Variants in SNX25 observed in about 807,000 individuals in gnomAD.
SNX25 encodes the protein sorting nexin 25, also known as sorting nexin-25.
A neutral mutation model predicts 113.7 loss-of-function variants in SNX25; 62 were observed. The ratio of observed to expected loss-of-function variants is 0.55; its 90% CI spans 0.44 to 0.67. The LOEUF (loss-of-function observed/expected upper bound fraction) is 0.67. Ranked by LOEUF, SNX25 falls within the 30% of genes least tolerant of loss-of-function variation. The probability of loss-of-function intolerance (pLI) is 0.00; values close to 1 mark genes in which losing one functional copy is unlikely to be tolerated. For missense variants in SNX25, 1,014 were observed against 1,161.0 expected, an observed-to-expected ratio of 0.87 and a Z score of 1.84; for synonymous variants, 421 against 436.2, an observed-to-expected ratio of 0.97 and a Z score of 0.43.
intron 1 of SNX25, among the ~76,000 whole-genome samples, chr4:185,237,237 T>G (rs1049447293): frequency 4.6e-5 from 7 of 151,894 alleles, no homozygotes; most frequent in Non-Finnish European, 8.8e-5. Context: ...CAATTTTCTG[T>G]TTTTTTTGAT....
Position 185,351,583 on chromosome 4 carries a change from C to T in SNX25, c.2440C>T (p.Pro814Ser), listed in dbSNP as rs1277281704. ...FSLSSFLERLPRDFFSHQEEE... is the reference protein window; with the variant it reads ...FSLSSFLERLSRDFFSHQEEE... ...ATTATCCTCATTTTTGGAAAGACTT[C>T]CTCGCGACTTCTTCTCCCACCAGGA... The change falls in exon 14 of 19, where the codon CCT (proline) becomes TCT (serine). Residue 814 changes from proline to serine, a missense_variant. Physicochemically the swap from Pro to Ser is moderately conservative, Grantham distance 74. Transcript: ENST00000652585. 6.2e-7 allele frequency: 1 copy of T among 1,614,112 alleles called. No homozygotes were observed. The highest frequency in any genetic ancestry group is 1.1e-5 in the South Asian group (1 of 91,078).
At chr4:185,235,232 C>T (rs1168987660) in intron 1 of SNX25, among the ~76,000 whole-genome samples, 1 of 152,234 alleles carries the variant, frequency 6.6e-6, no homozygotes, top group Non-Finnish European at 1.5e-5. Context: ...TAATAAGCTA[C>T]AGAAGCTTCT....
intron 6 of SNX25, among the ~76,000 whole-genome samples, chr4:185,302,079 T>TTG (rs1227611090): frequency 4.7e-5 from 7 of 149,702 alleles, no homozygotes; most frequent in African/African-American, 7.3e-5. Flanking sequence ...TTTGTATATT[T>TTG]TGTGTGTGTG....
intron 2 of SNX25, among the ~76,000 whole-genome samples, chr4:185,248,193 G>A (rs955541589): frequency 2.0e-5 from 3 of 152,210 alleles, no homozygotes; most frequent in Admixed American, 6.5e-5. Context: ...TTAGACCTTT[G>A]GGGACATAAT....
At chr4:185,234,144 C>T (rs1432622914) in intron 1 of SNX25, among the ~76,000 whole-genome samples, 1 of 152,138 alleles carries the variant, frequency 6.6e-6, no homozygotes, top group East Asian at 1.9e-4. Context: ...AGGTGTGAGC[C>T]ACCATGCCCA....
At chr4:185,265,306 G>C (rs929722085) in intron 4 of SNX25, among the ~76,000 whole-genome samples, 2 of 152,178 alleles carry the variant, frequency 1.3e-5, no homozygotes, top group Non-Finnish European at 2.9e-5. Context: ...ACATGGGATA[G>C]CCCACTACAC....
intron 5 of SNX25, among the ~76,000 whole-genome samples, chr4:185,272,248 A>G (rs1749041339): frequency 1.3e-5 from 2 of 152,198 alleles, no homozygotes; most frequent in Non-Finnish European, 2.9e-5. Context: ...GGATGCCACA[A>G]TCAAGGAAGG....
chr4:185,326,711 A>G (rs185846304), intron 9 of SNX25, among the ~76,000 whole-genome samples: 1 of 152,334 alleles, frequency 6.6e-6, no homozygotes, highest in East Asian at 1.9e-4. Context: ...ATTTTATACC[A>G]AATAAGCCAA....
upstream of SNX25, among the ~76,000 whole-genome samples, chr4:185,206,995 A>G (rs544374758): frequency 6.6e-6 from 1 of 152,108 alleles, no homozygotes; most frequent in Non-Finnish European, 1.5e-5. Context: ...ATGGGAGAAG[A>G]GTGTATCCCA....
At chr4:185,206,489 T>C (rs1274693629), upstream of SNX25, among the ~76,000 whole-genome samples, 1 of 52,458 alleles carries the variant, frequency 1.9e-5, no homozygotes. Context: ...ATGAACCCCA[T>C]CTCACTAAAA....
chr4:185,310,394 A>T (rs180683658), intron 6 of SNX25, among the ~76,000 whole-genome samples: 2 of 151,958 alleles, frequency 1.3e-5, no homozygotes, highest in East Asian at 1.9e-4. Context: ...AGGTTTTTTT[A>T]AAAAAATGTT....
At chr4:185,375,142 C>G (rs975671152), downstream of SNX25, among the ~76,000 whole-genome samples, 1 of 151,718 alleles carries the variant, frequency 6.6e-6, no homozygotes, top group African/African-American at 2.4e-5. Flanking sequence ...GAGACAGAGT[C>G]TTGCTCTGTC....
intron 1 of SNX25, among the ~76,000 whole-genome samples, chr4:185,223,216 T>C (rs1478201707): frequency 6.6e-6 from 1 of 152,248 alleles, no homozygotes; most frequent in Non-Finnish European, 1.5e-5. Flanking sequence ...CATGTCATTA[T>C]AGTTTTATCG....
At chr4:185,370,041 T>TA (rs200102640) in exon 12 of SNX25, 51 of 175,870 alleles carry the variant, frequency 2.9e-4, no homozygotes, top group Non-Finnish European at 4.0e-4. Flanking sequence ...TTTCTTTTTT[T>TA]AAAAAAAATC....
chr4:185,369,185 C>A (rs1223205185), intron 11 of SNX25, among the ~76,000 whole-genome samples: 4 of 149,836 alleles, frequency 2.7e-5, no homozygotes, highest in Admixed American at 2.7e-4. Context: ...TAGGATAGAA[C>A]CTGAAATCGG....
chr4:185,220,184 A>G (rs1350854015), intron 1 of SNX25, among the ~76,000 whole-genome samples: 1 of 152,028 alleles, frequency 6.6e-6, no homozygotes, highest in Non-Finnish European at 1.5e-5. Context: ...TTAACTTGAC[A>G]TTTCCACCTG....
At chr4:185,356,591 C>T (rs901648908) in intron 15 of SNX25, among the ~76,000 whole-genome samples, 2 of 152,106 alleles carry the variant, frequency 1.3e-5, no homozygotes, top group African/African-American at 4.8e-5. Flanking sequence ...TATTTTGATC[C>T]ATTAAAAAAA....
upstream of SNX25, among the ~76,000 whole-genome samples, chr4:185,206,877 C>A (rs972091521): frequency 3.3e-5 from 5 of 152,032 alleles, no homozygotes; most frequent in African/African-American, 9.7e-5. Context: ...GGCCTCAGAA[C>A]CAGGGAATAG....
intron 1 of SNX25, among the ~76,000 whole-genome samples, chr4:185,229,156 A>G (rs951343769): frequency 3.9e-5 from 6 of 152,192 alleles, no homozygotes. Context: ...GGAGTGAAGC[A>G]GTGGAGATCT....
Sources: gnomAD v4.1 joint callset for allele counts (sites outside exome capture counted in the v4.1 genomes callset) on GRCh38, gnomAD v4.1.1 for gene constraint, MANE v1.5 for transcripts, NCBI Gene and HGNC (gene_info 2026-07-23, HGNC 2026-07-21) for gene names.